The following ELMO1 variants were observed in gnomAD, a reference collection of about 807,000 sequenced individuals.
ELMO1 encodes engulfment and cell motility 1.
In ELMO1, 26 loss-of-function variants were observed where a neutral mutation model predicts 98.9. The observed-to-expected ratio is 0.26, with a 90% CI of 0.19 to 0.36. ELMO1 has a LOEUF of 0.36. ELMO1 is among the 10% of genes least tolerant of loss of function. The pLI, the probability that ELMO1 is intolerant of heterozygous loss-of-function variation, is 1.00. For synonymous variants in ELMO1, 346 were observed against 346.0 expected, an observed-to-expected ratio of 1.00 and a Z score of 0.00; for missense variants, 627 against 935.2, an observed-to-expected ratio of 0.67 and a Z score of 4.30.
intron 14 of ELMO1, among the ~76,000 whole-genome samples, chr7:37,108,533 C>T (rs956807389): frequency 2.0e-5 from 3 of 152,210 alleles, no homozygotes; most frequent in Non-Finnish European, 4.4e-5. Flanking sequence ...GGGGGCACAC[C>T]GGGTACAGGC....
At chr7:36,971,859 T>C (rs1014197592) in intron 16 of ELMO1, among the ~76,000 whole-genome samples, 2 of 152,272 alleles carry the variant, frequency 1.3e-5, no homozygotes, top group Admixed American at 6.5e-5. Flanking sequence ...TATTAACTTT[T>C]CCAAGAATAA....
chr7:37,059,679 G>A (rs886711477), intron 15 of ELMO1, among the ~76,000 whole-genome samples: 2 of 152,206 alleles, frequency 1.3e-5, no homozygotes, highest in Non-Finnish European at 2.9e-5. Context: ...GCCCCAGACA[G>A]TACAGCTGAA....
intron 1 of ELMO1, among the ~76,000 whole-genome samples, chr7:37,419,933 A>T (rs183168268): frequency 6.6e-6 from 1 of 152,238 alleles, no homozygotes. Flanking sequence ...GTTTTCACTT[A>T]TATGCATTTT....
chr7:37,260,700 T>A (rs1795933272), intron 5 of ELMO1, among the ~76,000 whole-genome samples: 1 of 152,148 alleles, frequency 6.6e-6, no homozygotes, highest in Non-Finnish European at 1.5e-5. Context: ...GTCACAGATG[T>A]GGCAGGTCTC....
chr7:36,972,795 A>C lies in ELMO1; in HGVS notation c.1437+40504T>G, dbSNP rs369595203. On this transcript the variant is annotated intron_variant, in intron 16 of 21. Coordinates refer to ENST00000310758, the MANE Select transcript of ELMO1 (RefSeq NM_014800.11). Reference sequence around the variant, plus strand: ...CTATATCTATATCTATAGTTTTTTGAAACAGAGTTTCATTCTTGTTGCCTA... The same window carrying C: ...CTATATCTATATCTATAGTTTTTTGCAACAGAGTTTCATTCTTGTTGCCTA... Among the ~76,000 whole-genome samples, 61 of 152,212 alleles carry C rather than the reference A, an allele frequency of 4.0e-4. 1 individual carries two copies. Among genetic ancestry groups the C allele is most frequent in the African/African-American group, 1.4e-3 (60 of 41,538 alleles).
At chr7:36,979,413 C>G (rs1206895919) in intron 16 of ELMO1, among the ~76,000 whole-genome samples, 1 of 152,192 alleles carries the variant, frequency 6.6e-6, no homozygotes, top group African/African-American at 2.4e-5. Flanking sequence ...AGTCCCTCTA[C>G]CCAGTTCTCA....
intron 14 of ELMO1, among the ~76,000 whole-genome samples, chr7:37,131,609 T>C (rs911774662): frequency 6.6e-6 from 1 of 152,220 alleles, no homozygotes; most frequent in Non-Finnish European, 1.5e-5. Context: ...CTATACTACA[T>C]GGTATCTCAA....
intron 16 of ELMO1, among the ~76,000 whole-genome samples, chr7:36,939,349 AGTC>A (rs1786821813): frequency 1.0e-5 from 1 of 100,068 alleles, no homozygotes; most frequent in Non-Finnish European, 1.9e-5. Context: ...GACTTAACCT[AGTC>A]AGGCTAGGGG....
chr7:36,935,497 C>G (rs1455330170), intron 16 of ELMO1, among the ~76,000 whole-genome samples: 2 of 152,120 alleles, frequency 1.3e-5, no homozygotes, highest in Non-Finnish European at 1.5e-5. Flanking sequence ...GATGATGCAA[C>G]CTATCTGATA....
chr7:37,193,021 ATT>A (rs1791732158), intron 13 of ELMO1, among the ~76,000 whole-genome samples: 1 of 138,096 alleles, frequency 7.2e-6, no homozygotes, highest in Non-Finnish European at 1.6e-5. Flanking sequence ...ACACACACAC[ATT>A]TAAAGAGTGG....
chr7:37,237,578 C>T (rs1190817677), intron 7 of ELMO1, among the ~76,000 whole-genome samples: 1 of 152,196 alleles, frequency 6.6e-6, no homozygotes, highest in African/African-American at 2.4e-5. Flanking sequence ...GCGTGAACCA[C>T]CATGCCCGGC....
At position 36,853,953 on chromosome 7, in the gene ELMO1, T is replaced by C. The variant is rs999529821; in HGVS notation, c.*1598A>G. ...CTGGCTTATTTCAGGTCTGTGGGTA[T>C]GCATTCTTTTCATTGCTAAATGTGC... On this transcript the variant is annotated 3_prime_UTR_variant, in exon 22 of 22. Coordinates refer to ENST00000310758, the MANE Select transcript of ELMO1 (RefSeq NM_014800.11). Among the ~76,000 whole-genome samples the C allele has an allele frequency of 1.2e-4, 19 of 152,250 alleles. No homozygotes were observed. The highest frequency in any genetic ancestry group is 4.3e-4 in the African/African-American group (18 of 41,466).
At chr7:36,875,929 C>T (rs1453938415) in intron 19 of ELMO1, among the ~76,000 whole-genome samples, 6 of 152,160 alleles carry the variant, frequency 3.9e-5, no homozygotes, top group Non-Finnish European at 7.3e-5. Flanking sequence ...GATTACATCC[C>T]TATAAACATG....
chr7:37,289,474 G>A (rs959715672), intron 4 of ELMO1, among the ~76,000 whole-genome samples: 2 of 152,116 alleles, frequency 1.3e-5, no homozygotes, highest in South Asian at 2.1e-4. Flanking sequence ...GTTCACTAAC[G>A]CCACAGCACC....
chr7:37,101,971 T>C (rs185061269), intron 14 of ELMO1, among the ~76,000 whole-genome samples: 14 of 152,250 alleles, frequency 9.2e-5, no homozygotes, highest in African/African-American at 2.9e-4. Flanking sequence ...CACAAATCTG[T>C]TTCCTGACCC....
At position 37,100,752 on chromosome 7, in the gene ELMO1, C is replaced by T. The variant is rs11976192; in HGVS notation, c.1192-4025G>A. On this transcript the variant is annotated intron_variant, in intron 14 of 21. Transcript: ENST00000310758. Reference sequence around the variant, plus strand: ...GGGTCAGGTGAGGCATAGTGGCCTCCCCACAGGCCACACGAAGGACAGTGT... The same window carrying T: ...GGGTCAGGTGAGGCATAGTGGCCTCTCCACAGGCCACACGAAGGACAGTGT... Among the ~76,000 whole-genome samples, 1,122 of 152,304 alleles carry T rather than the reference C, an allele frequency of 7.4e-3. 14 individuals carry two copies. Among genetic ancestry groups the T allele is most frequent in the African/African-American group, 0.026 (1,065 of 41,558 alleles).
chr7:37,038,535 CT>C (rs1466828945), intron 15 of ELMO1, among the ~76,000 whole-genome samples: 1 of 152,118 alleles, frequency 6.6e-6, no homozygotes, highest in Non-Finnish European at 1.5e-5. Context: ...AAAGTCATTG[CT>C]TTTTTTGAAT....
At chr7:37,406,558 C>G (rs894809420) in intron 1 of ELMO1, among the ~76,000 whole-genome samples, 1 of 151,878 alleles carries the variant, frequency 6.6e-6, no homozygotes, top group African/African-American at 2.4e-5. Flanking sequence ...GCCTCCCAAG[C>G]AGCTGGGACT....
chr7:36,904,100 G>A (rs1007144452), intron 16 of ELMO1, among the ~76,000 whole-genome samples: 1 of 152,220 alleles, frequency 6.6e-6, no homozygotes, highest in East Asian at 1.9e-4. Flanking sequence ...TTCCAAAGTA[G>A]CCCATACCTC....
Sources: gnomAD v4.1 joint callset for allele counts (sites outside exome capture counted in the v4.1 genomes callset) on GRCh38, gnomAD v4.1.1 for gene constraint, MANE v1.5 for transcripts, NCBI Gene and HGNC (gene_info 2026-07-23, HGNC 2026-07-21) for gene names.